SLC19A1: variants seen among roughly 807,000 people sequenced by gnomAD.
The protein encoded by SLC19A1 is reduced folate transporter.
In SLC19A1, 37 loss-of-function variants were observed where a neutral mutation model predicts 35.3. The observed-to-expected ratio is 1.05, with a 90% CI of 0.81 to 1.38. SLC19A1 has a LOEUF of 1.38. Ranked by LOEUF, SLC19A1 falls within the 40% of genes most tolerant of loss-of-function variation. The probability of loss-of-function intolerance (pLI) is 0.00; values close to 1 mark genes in which losing one functional copy is unlikely to be tolerated. For missense variants in SLC19A1, 831 were observed against 826.9 expected (o/e 1.00, Z -0.06); for synonymous variants, 460 against 398.5 (o/e 1.15, Z -1.84).
downstream of SLC19A1, among the ~76,000 whole-genome samples, chr21:45,509,180 A>G (rs9977704): frequency 0.42 from 63,990 of 151,686 alleles, 13,597 homozygotes; most frequent in East Asian, 0.57. Flanking sequence ...GGCAGGCAGG[A>G]CTCCCCACCC....
At chr21:45,512,160 T>G, downstream of SLC19A1, 3 of 1,598,996 alleles carry the variant, frequency 1.9e-6, no homozygotes, top group Non-Finnish European at 2.6e-6. Context: ...AGGTCTGGGT[T>G]TGACTGACGG....
At chr21:45,548,263 A>T (rs2078432846), upstream of SLC19A1, among the ~76,000 whole-genome samples, 1 of 152,222 alleles carries the variant, frequency 6.6e-6, no homozygotes, top group East Asian at 1.9e-4. Flanking sequence ...ACAAACACTA[A>T]TTTGAGACCC....
chr21:45,511,173 C>G (rs371424181), downstream of SLC19A1: 1 of 1,601,636 alleles, frequency 6.2e-7, no homozygotes, highest in South Asian at 1.1e-5. Context: ...CGCTGAAGCC[C>G]GGGGCACGCA....
upstream of SLC19A1, among the ~76,000 whole-genome samples, chr21:45,543,436 C>T (rs1050885880): frequency 1.3e-5 from 2 of 152,208 alleles, no homozygotes; most frequent in Admixed American, 6.5e-5. Context: ...CTCAAGAGTG[C>T]GGGTCCCAGG....
intron 3 of SLC19A1, chr21:45,505,232 CCCA>C: frequency 1.3e-6 from 2 of 1,596,912 alleles, no homozygotes; most frequent in Non-Finnish European, 1.7e-6. Context: ...CTCCCGGCCC[CCCA>C]GGCCCCCCAG....
chr21:45,521,568 T>C (rs1160326733), intron 5 of SLC19A1, among the ~76,000 whole-genome samples: 1 of 152,192 alleles, frequency 6.6e-6, no homozygotes, highest in South Asian at 2.1e-4. Context: ...CAAAACAATT[T>C]TGAATAAAAA....
chr21:45,526,910 C>T (rs1264527055), intron 4 of SLC19A1, among the ~76,000 whole-genome samples: 1 of 152,354 alleles, frequency 6.6e-6, no homozygotes, highest in Non-Finnish European at 1.5e-5. Flanking sequence ...TGAACCTATA[C>T]AATGGGTGTC....
rs2038034754 is a variant in SLC19A1, at chr21:45,517,617, G to GTCAC, written c.1294-1478_1294-1477insGTGA. Among the ~76,000 whole-genome samples, 1 of 150,926 alleles carries GTCAC rather than the reference G, an allele frequency of 6.6e-6. No homozygotes were observed. Among genetic ancestry groups the GTCAC allele is most frequent in the African/African-American group, 2.5e-5 (1 of 40,732 alleles). On this transcript the variant is annotated intron_variant, in intron 5 of 5. Coordinates refer to ENST00000311124, the MANE Select transcript of SLC19A1 (RefSeq NM_194255.4). This position sits in a 1 kb window ranked among gnomAD's most constrained non-coding sequence, Gnocchi z 4.4. ...CAGCAGAGACCATATGGGGAGCCTG[G>GTCAC]CCTCTTATCCTCACCCAGTAGTAAG...
chr21:45,512,096 GCCT>G (rs562967428), downstream of SLC19A1: 974 of 1,398,664 alleles, frequency 7.0e-4, 3 homozygotes, highest in African/African-American at 0.011. Context: ...CCCAGGGCTG[GCCT>G]CCTGCCTCCA....
At chr21:45,504,216 C>G in intron 3 of SLC19A1, 2 of 945,750 alleles carry the variant, frequency 2.1e-6, no homozygotes, top group Non-Finnish European at 3.3e-6. Flanking sequence ...TCAGGATGTT[C>G]CTGTCCCCGG....
rs1282140258 is a variant in SLC19A1 at position 45,505,025 on chromosome 21, A to G, written c.498-6413T>C. The G allele has an allele frequency of 2.1e-5, 30 of 1,418,026 alleles. No homozygotes were observed. In the Middle Eastern group the frequency reaches 1.6e-3, roughly 74 times the overall value. 87.8% of individuals were successfully genotyped at this position (1,418,026 alleles called of 1,614,324 possible). ...TGGGCAGGGAGGGGACCGGTGACTC[A>G]GAGGCTGCGCTCGCCAAGGGGGTCT... On this transcript the variant is annotated intron_variant, in intron 3 of 4. Coordinates refer to the SLC19A1 transcript ENST00000417954.
chr21:45,556,983 G>A (rs892740219), intron 1 of SLC19A1, among the ~76,000 whole-genome samples: 6 of 152,280 alleles, frequency 3.9e-5, no homozygotes, highest in African/African-American at 9.6e-5. Flanking sequence ...CTCCTGGGAC[G>A]GCGCCTCAGA....
At chr21:45,503,468 G>A (rs2036975392) in intron 3 of SLC19A1, among the ~76,000 whole-genome samples, 1 of 152,014 alleles carries the variant, frequency 6.6e-6, no homozygotes, top group Non-Finnish European at 1.5e-5. Context: ...AAAAAATGAT[G>A]AGTTCATGTC....
chr21:45,532,037 G>A lies in SLC19A1; in HGVS notation c.301C>T (p.Leu101Phe), dbSNP rs143378338. The change falls in exon 3 of 6, where the codon CTC (leucine) becomes TTC (phenylalanine). Residue 101 changes from leucine (L) to phenylalanine (F), a missense_variant. Coordinates refer to ENST00000311124, the MANE Select transcript of SLC19A1 (RefSeq NM_194255.4). Reference protein sequence around the residue: ...RYTPVLLLQGLSFVSVWLLLL... With the variant: ...RYTPVLLLQGFSFVSVWLLLL... Reference sequence around the variant, plus strand: ...AGCAGCCACACCGACACGAAGCTGAGCCCCTGCAGCAGCAGCACCGGCGTG... The same window carrying A: ...AGCAGCCACACCGACACGAAGCTGAACCCCTGCAGCAGCAGCACCGGCGTG... 33 of 1,612,138 alleles carry A rather than the reference G, an allele frequency of 2.0e-5. No individual in the cohort carries two copies. The highest frequency in any genetic ancestry group is 2.5e-5 in the Non-Finnish European group (30 of 1,179,886).
rs558386014 is a variant in SLC19A1, at chr21:45,536,909, C to A, written c.189+862G>T. 1.1e-4 allele frequency among the ~76,000 whole-genome samples: 17 copies of A among 152,258 alleles called. No homozygotes were observed. In the East Asian group the frequency reaches 3.3e-3, roughly 29 times the overall value. On this transcript the variant is annotated intron_variant, in intron 2 of 5. Coordinates refer to ENST00000311124, the MANE Select transcript of SLC19A1 (RefSeq NM_194255.4). ...GCAGATGTGCCTTATGGACAAGGAC[C>A]CCACAGCTCCAGGAGGAAACTGCTT...
At chr21:45,526,350 C>A (rs561103107) in intron 4 of SLC19A1, among the ~76,000 whole-genome samples, 2 of 152,270 alleles carry the variant, frequency 1.3e-5, no homozygotes, top group South Asian at 4.1e-4. Context: ...TGTACACACA[C>A]AGCCAGAAGG....
At chr21:45,507,863 CCCT>C (rs1236287821), downstream of SLC19A1, among the ~76,000 whole-genome samples, 1 of 152,238 alleles carries the variant, frequency 6.6e-6, no homozygotes, top group Non-Finnish European at 1.5e-5. Flanking sequence ...CCGCTCATTG[CCCT>C]CCTCAAGGTC....
Position 45,527,907 on chromosome 21 carries a change from C to T in SLC19A1, c.1152-1949G>A, listed in dbSNP as rs369569413. On this transcript the variant is annotated intron_variant, in intron 4 of 5. Coordinates refer to ENST00000311124, the MANE Select transcript of SLC19A1 (RefSeq NM_194255.4). ...GTGCTCTGCAAAGAAACTAGTCTTC[C>T]GATGCAGTTCCAATTAAAATCTGCA... is the stretch of plus-strand genomic sequence containing the variant. Among the ~76,000 whole-genome samples the T allele has an allele frequency of 5.7e-4, 85 of 150,312 alleles. No individual in the cohort carries two copies. The East Asian group carries it at 0.015, about 27-fold the overall frequency.
At chr21:45,556,391 C>T (rs2078562361) in intron 1 of SLC19A1, among the ~76,000 whole-genome samples, 1 of 152,260 alleles carries the variant, frequency 6.6e-6, no homozygotes, top group Non-Finnish European at 1.5e-5. Context: ...CGCTCGTCAG[C>T]AGCTCGGCCT....
Sources: allele counts gnomAD v4.1 joint callset (sites outside exome capture counted in the v4.1 genomes callset), GRCh38; gene constraint gnomAD v4.1.1; non-coding constraint Gnocchi (gnomAD v3.1); transcripts MANE v1.5; gene names NCBI Gene and HGNC (gene_info 2026-07-23, HGNC 2026-07-21).